SEL1L3: variants seen among roughly 807,000 people sequenced by gnomAD.
The protein encoded by SEL1L3 is protein sel-1 homolog 3.
Under a neutral mutation model 142.8 loss-of-function variants are expected in SEL1L3, and 76 were observed. That is an observed-to-expected ratio of 0.53 (90% CI 0.44 to 0.64). The LOEUF is 0.64. Among genes scored for constraint, SEL1L3 ranks in the 30% least tolerant of loss-of-function variants. SEL1L3 has a pLI of 0.00. For synonymous variants in SEL1L3, 504 were observed against 519.6 expected (o/e 0.97, Z 0.41); for missense variants, 1,262 against 1,381.7 (o/e 0.91, Z 1.37).
intron 9 of SEL1L3, among the ~76,000 whole-genome samples, chr4:25,810,832 G>A (rs1713972703): frequency 6.6e-6 from 1 of 152,224 alleles, no homozygotes; most frequent in Non-Finnish European, 1.5e-5. Flanking sequence ...AGGCAGCAAG[G>A]GGACTCGGCC....
intron 2 of SEL1L3, among the ~76,000 whole-genome samples, chr4:25,836,973 T>C (rs1715867159): frequency 6.6e-6 from 1 of 152,144 alleles, no homozygotes; most frequent in Admixed American, 6.5e-5. Context: ...ATAAGCCAAT[T>C]TCTCCCCAGT....
chr4:25,735,463 C>T, the SEL1L3 span, among the ~76,000 whole-genome samples: 1 of 147,912 alleles, frequency 6.8e-6, no homozygotes. Context: ...TGATTTTTTT[C>T]ACAAATAACC....
At chr4:25,862,479 A>G (rs1717787789) in intron 1 of SEL1L3, among the ~76,000 whole-genome samples, 196 bp downstream of exon 1, 1 of 152,108 alleles carries the variant, frequency 6.6e-6, no homozygotes, top group Non-Finnish European at 1.5e-5. Context: ...CAGCTTGGCA[A>G]GTCCGGTCCA....
chr4:25,767,427 A>G (rs1718821854), intron 19 of SEL1L3, 98 bp downstream of exon 19: 3 of 686,588 alleles, frequency 4.4e-6, no homozygotes, highest in Non-Finnish European at 5.1e-6. Flanking sequence ...CTAATTATTT[A>G]GAAATACCTC....
chr4:25,793,861 GACCTCATA>G (rs1349122813), intron 11 of SEL1L3, among the ~76,000 whole-genome samples: 1 of 152,126 alleles, frequency 6.6e-6, no homozygotes, highest in Non-Finnish European at 1.5e-5. Flanking sequence ...GGCAATTTCT[GACCTCATA>G]AGGTTGCATG....
intron 20 of SEL1L3, among the ~76,000 whole-genome samples, chr4:25,763,070 G>T (rs1404038288): frequency 1.3e-5 from 2 of 151,544 alleles, no homozygotes; most frequent in African/African-American, 4.9e-5. Flanking sequence ...AAGACATAAA[G>T]GAGTAAAACC....
chr4:25,839,197 T>A (rs969915470), intron 2 of SEL1L3, among the ~76,000 whole-genome samples: 1 of 152,230 alleles, frequency 6.6e-6, no homozygotes, highest in African/African-American at 2.4e-5. Flanking sequence ...AGCCAAAGTC[T>A]GAGAATAAAA....
chr4:25,803,156 G>A (rs529183885), intron 10 of SEL1L3, among the ~76,000 whole-genome samples: 3 of 152,192 alleles, frequency 2.0e-5, no homozygotes, highest in Non-Finnish European at 2.9e-5. Context: ...TGTGCTGGAA[G>A]GGTCTTTGGA....
intron 3 of SEL1L3, 56 bp from the exon 4 acceptor site, chr4:25,833,625 A>C: frequency 6.8e-7 from 1 of 1,477,300 alleles, no homozygotes; most frequent in Non-Finnish European, 9.1e-7. Context: ...AAGAACAGGT[A>C]ATTATGGTTA....
At chr4:25,849,580 C>T (rs372416641) in intron 1 of SEL1L3, among the ~76,000 whole-genome samples, 3 of 152,100 alleles carry the variant, frequency 2.0e-5, no homozygotes, top group South Asian at 2.1e-4. Flanking sequence ...CAGTTTGGGA[C>T]GATGAAATAG....
At chr4:25,786,695 A>G (rs1389460745) in intron 13 of SEL1L3, among the ~76,000 whole-genome samples, 2 of 152,164 alleles carry the variant, frequency 1.3e-5, no homozygotes, top group Non-Finnish European at 2.9e-5. Flanking sequence ...CCCTCCATCT[A>G]GCCCAGAGCC....
intron 8 of SEL1L3, among the ~76,000 whole-genome samples, chr4:25,818,994 G>A (rs555122557): frequency 2.2e-4 from 33 of 152,296 alleles, no homozygotes; most frequent in South Asian, 2.1e-4. Flanking sequence ...GAGAAGTTCC[G>A]CTCTGGAGAT....
intron 2 of SEL1L3, among the ~76,000 whole-genome samples, chr4:25,837,503 T>C (rs1715910904): frequency 1.3e-5 from 2 of 151,548 alleles, no homozygotes; most frequent in Non-Finnish European, 2.9e-5. Context: ...CGGGAGAACT[T>C]GCCGCAATAG....
chr4:25,830,959 G>A (rs1428550952), intron 5 of SEL1L3, among the ~76,000 whole-genome samples: 1 of 152,182 alleles, frequency 6.6e-6, no homozygotes, highest in Non-Finnish European at 1.5e-5. Context: ...CATCACAGAG[G>A]TGGATTTTGG....
chr4:25,756,429 AT>A, intron 23 of SEL1L3: 1 of 985,000 alleles, frequency 1.0e-6, no homozygotes, highest in Non-Finnish European at 1.2e-6. Flanking sequence ...CCAGATAAAT[AT>A]AACAGCTAAC....
At chr4:25,741,234 A>G in the SEL1L3 span, among the ~76,000 whole-genome samples, 5 of 151,266 alleles carry the variant, frequency 3.3e-5, no homozygotes, top group African/African-American at 1.2e-4. Flanking sequence ...TCTCCTGAAT[A>G]CCTGGATTAC....
intron 1 of SEL1L3, among the ~76,000 whole-genome samples, chr4:25,850,929 C>A (rs1456650827): frequency 6.6e-6 from 1 of 151,940 alleles, no homozygotes; most frequent in Non-Finnish European, 1.5e-5. Flanking sequence ...CGGCTCACTG[C>A]AACCTCTGCC....
At chr4:25,778,060 T>A (rs1207245100) in intron 16 of SEL1L3, among the ~76,000 whole-genome samples, 1 of 152,154 alleles carries the variant, frequency 6.6e-6, no homozygotes. Flanking sequence ...TGGGTCATGG[T>A]TTGACAACTC....
intron 1 of SEL1L3, among the ~76,000 whole-genome samples, chr4:25,853,765 G>A (rs1303502888): frequency 2.7e-5 from 4 of 147,160 alleles, no homozygotes; most frequent in Non-Finnish European, 4.5e-5. Flanking sequence ...TCCGCCTCCC[G>A]GGTTCTAGCG....
Sources: allele counts gnomAD v4.1 joint callset (sites outside exome capture counted in the v4.1 genomes callset), GRCh38; gene constraint gnomAD v4.1.1; transcripts MANE v1.5; gene names NCBI Gene and HGNC (gene_info 2026-07-23, HGNC 2026-07-21).